HDC: variants seen among roughly 807,000 people sequenced by gnomAD.
HDC encodes the protein histidine decarboxylase.
In HDC, 27 loss-of-function variants were observed where a neutral mutation model predicts 64.4. The observed-to-expected ratio is 0.42, with a 90% CI of 0.31 to 0.58. The LOEUF (loss-of-function observed/expected upper bound fraction) is 0.58, where lower values mean the gene tolerates loss of function less well. HDC is among the 20% of genes least tolerant of loss of function. The probability of loss-of-function intolerance (pLI) is 0.16; values close to 1 mark genes in which losing one functional copy is unlikely to be tolerated. For missense variants in HDC, 711 were observed against 833.9 expected (o/e 0.85, Z 1.81); for synonymous variants, 305 against 314.2 (o/e 0.97, Z 0.31).
At chr15:50,258,554 G>T in intron 2 of HDC, 37 bp from the exon 3 acceptor site, 2 of 1,227,960 alleles carry the variant, frequency 1.6e-6, no homozygotes, top group Non-Finnish European at 2.4e-6. Flanking sequence ...GCACCAGGAG[G>T]CATTTCCAGC....
rs933357281 is a variant in HDC, at chr15:50,258,896, C to T, written c.205-379G>A. ...GAAGGGCAGGCCGGGTGCGGTGGCT[C>T]ATGCCTATAATCCCAGCACTTTGGG... On this transcript the variant is annotated intron_variant, in intron 2 of 11. Transcript: ENST00000267845. Among the ~76,000 whole-genome samples, 8 of 152,218 alleles carry T rather than the reference C, an allele frequency of 5.3e-5. 1 individual carries two copies. In the East Asian group the frequency reaches 7.8e-4, roughly 15 times the overall value.
Position 50,252,553 on chromosome 15 carries a change from G to A in HDC, c.951-33C>T, listed in dbSNP as rs201301195. On this transcript the variant is annotated intron_variant, in intron 8 of 11. Coordinates refer to ENST00000267845, the MANE Select transcript of HDC (RefSeq NM_002112.4). ...TTTCCAAATGGGCATTAGTGGCTGA[G>A]GTCTCTCCAGAGGAGGCAAGGCGTT... 7.4e-6 allele frequency: 12 copies of A among 1,614,086 alleles called. No individual in the cohort carries two copies. In the East Asian group the frequency reaches 2.5e-4, roughly 33 times the overall value.
At chr15:50,264,549 C>A (rs1331638869) in intron 1 of HDC, among the ~76,000 whole-genome samples, 1 of 152,172 alleles carries the variant, frequency 6.6e-6, no homozygotes, top group Non-Finnish European at 1.5e-5. Flanking sequence ...ATTATTTATT[C>A]TTTCAGATTG....
Position 50,251,828 on chromosome 15 carries a change from T to C in HDC, c.1041+602A>G, listed in dbSNP as rs191524902. On this transcript the variant is annotated intron_variant, in intron 9 of 11. Transcript: ENST00000267845. The stretch of plus-strand genomic sequence containing the variant: ...GCCTGGTTGACAGAGCGAGACTCTG[T>C]CTCAGAAAAAAAAAAAGAAAGAAAG... Among the ~76,000 whole-genome samples, 174 of 141,418 alleles carry C rather than the reference T, an allele frequency of 1.2e-3. 1 individual carries two copies. Among genetic ancestry groups the C allele is most frequent in the African/African-American group, 4.7e-3 (168 of 35,732 alleles). The allele number at this position is 141,418 out of a possible 152,430, so 92.8% of individuals were successfully genotyped here. A position where few individuals can be genotyped will look rare whatever the true frequency, so the allele number is the denominator to read the frequency against.
chr15:50,256,832 T>C (rs1447953409), intron 4 of HDC, among the ~76,000 whole-genome samples: 1 of 152,178 alleles, frequency 6.6e-6, no homozygotes, highest in African/African-American at 2.4e-5. Flanking sequence ...TCAAAGGTCT[T>C]AGAACCAAGC....
chr15:50,259,231 C>T (rs180878504), intron 2 of HDC, among the ~76,000 whole-genome samples: 1 of 151,936 alleles, frequency 6.6e-6, no homozygotes, highest in African/African-American at 2.4e-5. Context: ...CAGTTTCTTG[C>T]AAAAGGCACC....
chr15:50,262,840 G>A (rs533996566), intron 2 of HDC, among the ~76,000 whole-genome samples: 1 of 152,170 alleles, frequency 6.6e-6, no homozygotes, highest in Non-Finnish European at 1.5e-5. Context: ...TCCGTCGTCA[G>A]GGCCAGGCAC....
At chr15:50,245,377 G>A (rs1055449387) in intron 10 of HDC, among the ~76,000 whole-genome samples, 1 of 152,064 alleles carries the variant, frequency 6.6e-6, no homozygotes, top group African/African-American at 2.4e-5. Context: ...AATCCCTATT[G>A]TAGGTGATAG....
At chr15:50,253,793 C>G (rs2045589756) in intron 6 of HDC, 127 bp from the exon 7 acceptor site, 2 of 785,360 alleles carry the variant, frequency 2.5e-6, no homozygotes, top group African/African-American at 3.4e-5. Context: ...ATATTTCAGA[C>G]TGTGTTTTAC....
intron 4 of HDC, 113 bp from the exon 5 acceptor site, chr15:50,254,777 T>C (rs1204942288): frequency 1.0e-6 from 1 of 993,308 alleles, no homozygotes; most frequent in South Asian, 1.4e-5. Flanking sequence ...TCTCTCTCTC[T>C]GTGTGTGTAT....
rs773972874 is a variant in HDC, at chr15:50,242,334, C to T, written c.1915G>A (p.Val639Ile). The T allele has an allele frequency of 2.4e-5, 39 of 1,613,974 alleles. No homozygotes were observed. Among genetic ancestry groups the T allele is most frequent in the South Asian group, 1.6e-4 (15 of 91,070 alleles). ...AFKKLIKFYS[V>I]PSFPECSSQC... ...GAGCTGCATTCAGGAAAGCTGGGGA[C>T]GCTGTAGAATTTGATGAGTTTTTTG... The change falls in exon 12 of 12, where the codon GTC (valine) becomes ATC (isoleucine). Residue 639 changes from valine to isoleucine, a missense_variant. This residue lies in a region of HDC where 483 missense variants were observed against 540.9 expected (regional missense o/e 0.89). Coordinates refer to ENST00000267845, the MANE Select transcript of HDC (RefSeq NM_002112.4).
chr15:50,261,532 A>G (rs765904122), intron 2 of HDC, among the ~76,000 whole-genome samples: 1 of 151,596 alleles, frequency 6.6e-6, no homozygotes, highest in Non-Finnish European at 1.5e-5. Context: ...TCTCATCCCA[A>G]CACTTTGGAA....
chr15:50,259,005 C>CAA (rs11400557), intron 2 of HDC, among the ~76,000 whole-genome samples: 2,619 of 151,498 alleles, frequency 0.017, 81 homozygotes, highest in African/African-American at 0.061. Context: ...CTAAAAATAC[C>CAA]AAAAAAATTA....
At chr15:50,262,241 G>A (rs1048666495) in intron 2 of HDC, among the ~76,000 whole-genome samples, 5 of 152,078 alleles carry the variant, frequency 3.3e-5, no homozygotes, top group African/African-American at 7.2e-5. Context: ...TAGGAGAAAC[G>A]GCACAGCCTG....
In HDC at chr15:50,241,979, G is replaced by A. The variant is rs1407618622; in HGVS notation, c.*281C>T. ...TCAGGGACAAGCATAATTTATTTCT[G>A]TGTTATATATCATGTCACAAGCTGA... On this transcript the variant is annotated 3_prime_UTR_variant, in exon 12 of 12. Transcript: ENST00000267845. The A allele has an allele frequency of 1.5e-5, 8 of 525,252 alleles. No homozygotes were observed. Among genetic ancestry groups the A allele is most frequent in the Non-Finnish European group, 2.7e-5 (8 of 294,196 alleles). The allele number at this position is 525,252 out of a possible 1,614,324, so 32.5% of individuals were successfully genotyped here. A position where few individuals can be genotyped will look rare whatever the true frequency, so the allele number is the denominator to read the frequency against.
At chr15:50,252,042 G>T (rs1334835661) in intron 9 of HDC, among the ~76,000 whole-genome samples, 1 of 152,040 alleles carries the variant, frequency 6.6e-6, no homozygotes, top group African/African-American at 2.4e-5. Context: ...CAGCAAGAAA[G>T]CTCTTTCCCC....
chr15:50,248,898 C>T lies in HDC; in HGVS notation c.1042-555G>A, dbSNP rs570779369. 7.9e-5 allele frequency among the ~76,000 whole-genome samples: 12 copies of T among 152,256 alleles called. No individual in the cohort carries two copies. The East Asian group carries it at 1.5e-3, about 20-fold the overall frequency. On this transcript the variant is annotated intron_variant, in intron 9 of 11. Transcript: ENST00000267845. The surrounding 1 kb of genome is among the most constrained non-coding windows in gnomAD (Gnocchi z 4.3). ...GACATAAAGAACCAATTGCACCTCCCGGGCAAGTGGTGTGAGGACAAAGAA... is the reference window on the plus strand; with the variant it reads ...GACATAAAGAACCAATTGCACCTCCTGGGCAAGTGGTGTGAGGACAAAGAA...
chr15:50,259,722 C>T (rs112339455), intron 2 of HDC, among the ~76,000 whole-genome samples: 2,626 of 152,274 alleles, frequency 0.017, 83 homozygotes, highest in African/African-American at 0.061. Context: ...CCCTTCGATC[C>T]CTTCCCTGAG....
intron 10 of HDC, among the ~76,000 whole-genome samples, chr15:50,244,311 T>A (rs1315353197): frequency 5.8e-5 from 8 of 137,958 alleles, no homozygotes; most frequent in Admixed American, 2.8e-4. Context: ...TTTTTTTTTT[T>A]GAGAGATAGG....
Sources: gnomAD v4.1 joint callset for allele counts (sites outside exome capture counted in the v4.1 genomes callset) on GRCh38, gnomAD v4.1.1 for gene constraint, gnomAD v4.1.1 regional missense constraint, Gnocchi (gnomAD v3.1) non-coding constraint, MANE v1.5 for transcripts, NCBI Gene and HGNC (gene_info 2026-07-23, HGNC 2026-07-21) for gene names.